The following ZNF630 variants were observed in gnomAD, a reference collection of about 807,000 sequenced individuals.
ZNF630 encodes the protein zinc finger protein 630.
In ZNF630, 5 loss-of-function variants were observed where a neutral mutation model predicts 7.2. That is an observed-to-expected ratio of 0.70 (90% CI 0.36 to 1.46). The LOEUF (loss-of-function observed/expected upper bound fraction) is 1.46, where lower values mean the gene tolerates loss of function less well. ZNF630 is among the 40% of genes most tolerant of loss of function. The pLI, the probability that ZNF630 is intolerant of heterozygous loss-of-function variation, is 0.03. For synonymous variants in ZNF630, 158 were observed against 162.8 expected (o/e 0.97, Z 0.23); for missense variants, 461 against 477.0 (o/e 0.97, Z 0.31).
chrX:48,060,265 A>G lies in ZNF630; in HGVS notation c.239-62T>C, dbSNP rs2059098428. 3.3e-6 allele frequency: 3 copies of G among 914,939 alleles called. No homozygotes were observed. In the African/African-American group the frequency reaches 6.2e-5, roughly 19 times the overall value. The allele number at this position is 914,939 out of a possible 1,213,427, so 75.4% of individuals were successfully genotyped here. ...CACACACACACACACACACACACAC[A>G]CACACACACACACACACACACAAAA... On this transcript the variant is annotated intron_variant, in intron 4 of 4. Transcript: ENST00000276054.
intron 1 of ZNF630, among the ~76,000 whole-genome samples, chrX:48,068,215 AAAGAAAAAAGAAAAGAAAAG>A (rs1415977668): frequency 1.1e-5 from 1 of 93,017 alleles, no homozygotes; most frequent in East Asian, 3.6e-4. Flanking sequence ...AAAGAAAAGA[AAAGAAAAAAGAAAAGAAAAG>A]AAAAGAAAAG....
rs2059080907 is a variant in ZNF630 at position 48,058,548 on chromosome X, A to C, written c.1894T>G (p.Cys632Gly). 2 of 1,207,841 alleles carry C rather than the reference A, an allele frequency of 1.7e-6. No homozygotes were observed. The highest frequency in any genetic ancestry group is 5.9e-5 in the East Asian group (2 of 33,798). ...TGEKPSRCSD[C>G]GKAFCQHVYF... ...ACATGCTGGCAGAATGCCTTCCCAC[A>C]GTCACTGCATCTGGAGGGTTTCTCC... The change falls in exon 5 of 5, where the codon TGT becomes GGT. Residue 632 changes from cysteine to glycine, a missense_variant. Physicochemically the swap from Cys to Gly is radical, Grantham distance 159 (BLOSUM62 -3). Transcript: ENST00000276054.
intron 1 of ZNF630, among the ~76,000 whole-genome samples, chrX:48,069,851 T>TTTG (rs1556910752): frequency 1.3e-4 from 8 of 62,482 alleles, no homozygotes; most frequent in South Asian, 9.4e-4. Context: ...GTTTTTTTTT[T>TTTG]TTTTGTTTTT....
chrX:48,064,877 G>A (rs1556909787), intron 2 of ZNF630, among the ~76,000 whole-genome samples: 1 of 111,734 alleles, frequency 8.9e-6, no homozygotes, highest in Non-Finnish European at 1.9e-5. Context: ...AAGTGTTATT[G>A]AATCACAGCC....
intron 1 of ZNF630, among the ~76,000 whole-genome samples, chrX:48,068,506 C>T (rs2059144567): frequency 8.9e-6 from 1 of 112,208 alleles, no homozygotes; most frequent in Non-Finnish European, 1.9e-5. Flanking sequence ...TGGCTGTGTT[C>T]CAATTAAACA....
At chrX:48,068,671 C>T (rs1247048098) in intron 1 of ZNF630, among the ~76,000 whole-genome samples, 1 of 110,579 alleles carries the variant, frequency 9.0e-6, no homozygotes, top group African/African-American at 3.3e-5. Flanking sequence ...TCATATTTGG[C>T]CCACTGCCCA....
At chrX:48,065,472 AGAGAGAGG>A (rs1326616964) in intron 2 of ZNF630, among the ~76,000 whole-genome samples, 3 of 85,629 alleles carry the variant, frequency 3.5e-5, no homozygotes, top group Non-Finnish European at 4.6e-5. Flanking sequence ...AGAGAGAGAG[AGAGAGAGG>A]GAGGGAGGGA....
rs1439183493 is a variant in ZNF630, at chrX:48,059,641, C to T, written c.801G>A (p.Met267Ile). 8.3e-7 allele frequency: 1 copy of T among 1,207,093 alleles called. No homozygotes were observed. Among genetic ancestry groups the T allele is most frequent in the Non-Finnish European group, 1.1e-6 (1 of 893,051 alleles). The change falls in exon 5 of 5, where the codon ATG (methionine) becomes ATA (isoleucine). Residue 267 changes from methionine to isoleucine, a missense_variant. Physicochemically the swap from Met to Ile is conservative, Grantham distance 10. Transcript: ENST00000276054. ...ACTTCTTGATAAAGGCTTTCCCACA[C>T]ATACTACAAACATTGGGTTTCTCTC... ...QAREKPNVCS[M>I]CGKAFIKKSQ...
intron 3 of ZNF630, 55 bp from the exon 4 acceptor site, chrX:48,060,600 G>A: frequency 3.7e-6 from 4 of 1,071,372 alleles, no homozygotes; most frequent in African/African-American, 1.8e-5. Context: ...AATTCATGAA[G>A]AGAAGCACTT....
In ZNF630 at chrX:48,069,326, A is replaced by G. The variant is rs140896336; in HGVS notation, c.-176+1941T>C. Among the ~76,000 whole-genome samples the G allele has an allele frequency of 1.5e-4, 17 of 110,681 alleles. No homozygotes were observed. The East Asian group carries it at 4.2e-3, about 27-fold the overall frequency. On this transcript the variant is annotated intron_variant, in intron 1 of 4. Transcript: ENST00000276054. ...CTCACTGGGGGGTGATACTGCCCCC[A>G]AGGGGACAAAAATTAGTTCTTGGAG...
rs782629672 is a variant in ZNF630, at chrX:48,061,835, C to T, written c.16-890G>A. The T allele has an allele frequency of 1.6e-5, 5 of 306,658 alleles. 1 individual carries two copies. Among genetic ancestry groups the T allele is most frequent in the Admixed American group, 6.8e-5 (2 of 29,294 alleles). 25.3% of individuals were successfully genotyped at this position (306,658 alleles called of 1,213,427 possible). A position where few individuals can be genotyped will look rare whatever the true frequency, so the allele number is the denominator to read the frequency against. Reference sequence around the variant, plus strand: ...GTAAGTTTCCTGAGGCTTCCCCACCCCCGTGGAACTGTGAGTCAATTAAAC... The same window carrying T: ...GTAAGTTTCCTGAGGCTTCCCCACCTCCGTGGAACTGTGAGTCAATTAAAC... On this transcript the variant is annotated intron_variant, in intron 2 of 4. Coordinates refer to ENST00000276054, the MANE Select transcript of ZNF630 (RefSeq NM_001282201.2).
In ZNF630 at chrX:48,059,416, A is replaced by C; in HGVS notation, c.1026T>G (p.Thr342=). Residue 342 remains threonine, a synonymous_variant, in exon 5 of 5, where the codon ACT becomes ACG. Coordinates refer to ENST00000276054, the MANE Select transcript of ZNF630 (RefSeq NM_001282201.2). ...SPFTVHQRVH[T]GEKPYECFEC... is the part of the protein sequence containing the mutation. The stretch of plus-strand genomic sequence containing the variant: ...CAAAACACTCATAGGGTTTCTCTCC[A>C]GTATGGACTCTCTGATGAACAGTGA... The C allele has an allele frequency of 8.3e-7, 1 of 1,208,174 alleles. No individual in the cohort carries two copies. Among genetic ancestry groups the C allele is most frequent in the African/African-American group, 1.7e-5 (1 of 57,396 alleles).
At chrX:48,066,595 T>A in intron 2 of ZNF630, 1 of 333,958 alleles carries the variant, frequency 3.0e-6, no homozygotes, top group Admixed American at 5.5e-5. Flanking sequence ...CTTGACTTGC[T>A]AAGGAGCTGG....
At chrX:48,062,186 T>C (rs2059108360) in intron 2 of ZNF630, among the ~76,000 whole-genome samples, 1 of 111,698 alleles carries the variant, frequency 9.0e-6, no homozygotes, top group Non-Finnish European at 1.9e-5. Flanking sequence ...CTGTGGTGTA[T>C]GGTATATTTT....
chrX:48,067,665 G>A (rs2059136956), intron 1 of ZNF630, among the ~76,000 whole-genome samples: 1 of 111,540 alleles, frequency 9.0e-6, no homozygotes, highest in Non-Finnish European at 1.9e-5. Context: ...GCCAGGCGTG[G>A]TGGTGCATGC....
At chrX:48,068,431 C>G (rs1444632409) in intron 1 of ZNF630, among the ~76,000 whole-genome samples, 2 of 111,427 alleles carry the variant, frequency 1.8e-5, no homozygotes, top group Admixed American at 1.9e-4. Flanking sequence ...TCTGCTGTAA[C>G]TACTCAGCCC....
At chrX:48,070,139 T>G (rs1236524948) in intron 1 of ZNF630, among the ~76,000 whole-genome samples, 3 of 107,824 alleles carry the variant, frequency 2.8e-5, no homozygotes, top group Non-Finnish European at 5.8e-5. Flanking sequence ...ATTATAGGTG[T>G]GAGCCACCAC....
chrX:48,065,012 A>C lies in ZNF630; in HGVS notation c.15+1860T>G, dbSNP rs1404197259. Among the ~76,000 whole-genome samples, 6 of 112,193 alleles carry C rather than the reference A, an allele frequency of 5.3e-5. 1 individual carries two copies. Among genetic ancestry groups the C allele is most frequent in the African/African-American group, 2.0e-4 (6 of 30,757 alleles). On this transcript the variant is annotated intron_variant, in intron 2 of 4. Transcript: ENST00000276054. ...ACTTCGATCTGTCCCTCTACAGAAAAAGTTTGCTGACCCCTGACTTAGAGG... is the reference window on the plus strand; with the variant it reads ...ACTTCGATCTGTCCCTCTACAGAAACAGTTTGCTGACCCCTGACTTAGAGG...
chrX:48,070,611 TAAAAAAAA>T (rs782104749), intron 1 of ZNF630, among the ~76,000 whole-genome samples: 3,740 of 65,769 alleles, frequency 0.057, 74 homozygotes, highest in Middle Eastern at 0.13. Flanking sequence ...AGACTTCGTC[TAAAAAAAA>T]AAAAAAAAAA....
Sources: allele counts gnomAD v4.1 joint callset (sites outside exome capture counted in the v4.1 genomes callset), GRCh38; gene constraint gnomAD v4.1.1; transcripts MANE v1.5; gene names NCBI Gene and HGNC (gene_info 2026-07-23, HGNC 2026-07-21).